The following DLG1 variants were observed in gnomAD, a reference collection of about 807,000 sequenced individuals.
The protein encoded by DLG1 is disks large homolog 1.
Under a neutral mutation model 123.4 loss-of-function variants are expected in DLG1, and 42 were observed. The ratio of observed to expected loss-of-function variants is 0.34; its 90% CI spans 0.27 to 0.44. The LOEUF (loss-of-function observed/expected upper bound fraction) is 0.44. DLG1 is among the 20% of genes least tolerant of loss of function. The pLI, the probability that DLG1 is intolerant of heterozygous loss-of-function variation, is 1.00. For synonymous variants in DLG1, 317 were observed against 356.2 expected (o/e 0.89, Z 1.24); for missense variants, 942 against 1,082.6 (o/e 0.87, Z 1.82).
intron 4 of DLG1, among the ~76,000 whole-genome samples, chr3:197,205,704 T>C (rs1315653382): frequency 6.6e-6 from 1 of 152,320 alleles, no homozygotes; most frequent in East Asian, 1.9e-4. Context: ...GAACAAAACT[T>C]TTCTATGGCA....
intron 5 of DLG1, among the ~76,000 whole-genome samples, chr3:197,192,325 T>C (rs1720044049): frequency 1.3e-5 from 2 of 151,992 alleles, no homozygotes; most frequent in Non-Finnish European, 1.5e-5. Flanking sequence ...TTCAAACTTG[T>C]GGGATACATT....
intron 4 of DLG1, among the ~76,000 whole-genome samples, chr3:197,250,329 G>C (rs1753749919): frequency 6.6e-6 from 1 of 152,188 alleles, no homozygotes; most frequent in Non-Finnish European, 1.5e-5. Flanking sequence ...CAGCACTTTG[G>C]GAGGCCGAGG....
Position 197,203,054 on chromosome 3 carries a change from G to A in DLG1, c.319-8465C>T, listed in dbSNP as rs528421960. 8.9e-4 allele frequency among the ~76,000 whole-genome samples: 135 copies of A among 152,240 alleles called. 1 individual carries two copies. The highest frequency in any genetic ancestry group is 2.9e-3 in the African/African-American group (122 of 41,526). ...TTGGAAGGCTGAGGAAAGAAGATCA[G>A]GTGAGCCCAGGAGTTCAGGACCATT... On this transcript the variant is annotated intron_variant, in intron 4 of 24. Coordinates refer to ENST00000667157, the MANE Select transcript of DLG1 (RefSeq NM_001366207.1).
At chr3:197,195,369 A>C (rs1356953624) in intron 4 of DLG1, among the ~76,000 whole-genome samples, 2 of 152,102 alleles carry the variant, frequency 1.3e-5, no homozygotes, top group Non-Finnish European at 2.9e-5. Flanking sequence ...CAATCCCACT[A>C]CTGGGAAAAA....
intron 4 of DLG1, among the ~76,000 whole-genome samples, chr3:197,280,337 TTGTGTGTGTGTGTG>T (rs10575004): frequency 6.0e-5 from 9 of 149,916 alleles, no homozygotes; most frequent in South Asian, 2.1e-4. Context: ...GTAGTCCATT[TTGTGTGTGTGTGTG>T]TGTGTGTGTG....
chr3:197,277,460 C>T (rs74431690), intron 4 of DLG1, among the ~76,000 whole-genome samples: 170 of 152,204 alleles, frequency 1.1e-3, no homozygotes, highest in African/African-American at 3.2e-3. Flanking sequence ...CACGTCTCTG[C>T]CTCCCAAGCA....
intron 4 of DLG1, among the ~76,000 whole-genome samples, chr3:197,268,160 T>C (rs550733031): frequency 5.3e-5 from 8 of 152,270 alleles, no homozygotes; most frequent in African/African-American, 1.9e-4. Flanking sequence ...ATACTAAAAA[T>C]AGTAATAAGC....
At chr3:197,184,607 C>T (rs192326574) in intron 5 of DLG1, among the ~76,000 whole-genome samples, 13 of 152,268 alleles carry the variant, frequency 8.5e-5, no homozygotes, top group Non-Finnish European at 1.6e-4. Context: ...AGATTAATTA[C>T]TAAAACAAGT....
In DLG1 at chr3:197,217,523, A is replaced by G. The variant is rs534586759; in HGVS notation, c.319-22934T>C. Among the ~76,000 whole-genome samples, 6 of 152,358 alleles carry G rather than the reference A, an allele frequency of 3.9e-5. No individual in the cohort carries two copies. In the South Asian group the frequency reaches 1.2e-3, roughly 32 times the overall value. On this transcript the variant is annotated intron_variant, in intron 4 of 24. Transcript: ENST00000667157. ...AGCTGATGAGTGGTTATTTACATTC[A>G]AAGAATACCACACATTTTGGGTACA...
intron 24 of DLG1, among the ~76,000 whole-genome samples, chr3:197,049,494 C>T (rs557256060): frequency 1.3e-5 from 2 of 152,388 alleles, no homozygotes; most frequent in South Asian, 4.1e-4. Context: ...ATGGCTCACG[C>T]CTGTAGTCCC....
chr3:197,213,298 T>A (rs13324465), intron 4 of DLG1, among the ~76,000 whole-genome samples: 2,657 of 152,234 alleles, frequency 0.017, 84 homozygotes, highest in African/African-American at 0.06. Flanking sequence ...AGCTTTTTTT[T>A]AAAAAGACAC....
intron 23 of DLG1, among the ~76,000 whole-genome samples, chr3:197,053,336 A>C (rs1260612365): frequency 6.6e-6 from 1 of 152,214 alleles, no homozygotes; most frequent in Non-Finnish European, 1.5e-5. Flanking sequence ...TTCAGTTTTA[A>C]TTTATCTGGG....
chr3:197,167,050 G>A (rs1215871622), intron 5 of DLG1, among the ~76,000 whole-genome samples: 2 of 152,086 alleles, frequency 1.3e-5, no homozygotes, highest in South Asian at 2.1e-4. Context: ...GATGACAAAG[G>A]ACACAGAAGT....
chr3:197,146,703 A>G (rs548386333), intron 6 of DLG1, among the ~76,000 whole-genome samples: 19 of 149,306 alleles, frequency 1.3e-4, no homozygotes, highest in Non-Finnish European at 2.5e-4. Flanking sequence ...ATTTTAGAAG[A>G]TAACATCAGA....
intron 13 of DLG1, among the ~76,000 whole-genome samples, chr3:197,107,809 T>A (rs1483613698): frequency 2.6e-5 from 4 of 151,836 alleles, no homozygotes; most frequent in African/African-American, 9.7e-5. Flanking sequence ...GTAGCCTTTT[T>A]TTTTTTTTAA....
chr3:197,234,410 A>G (rs565538244), intron 4 of DLG1, among the ~76,000 whole-genome samples: 6 of 152,324 alleles, frequency 3.9e-5, no homozygotes, highest in Admixed American at 3.9e-4. Flanking sequence ...TAATGGATGA[A>G]TTTAGGAGTA....
chr3:197,251,681 A>G (rs1359416049), intron 4 of DLG1, among the ~76,000 whole-genome samples: 3 of 152,208 alleles, frequency 2.0e-5, no homozygotes, highest in African/African-American at 7.2e-5. Context: ...ACATCAAGCT[A>G]AAAAGCTTCT....
intron 9 of DLG1, among the ~76,000 whole-genome samples, chr3:197,137,415 C>T (rs982028795): frequency 3.3e-5 from 5 of 152,148 alleles, no homozygotes; most frequent in African/African-American, 4.8e-5. Context: ...TAGATTATCA[C>T]AAGTTAATAG....
At chr3:197,264,712 C>CCA (rs1431210570) in intron 4 of DLG1, among the ~76,000 whole-genome samples, 1 of 152,180 alleles carries the variant, frequency 6.6e-6, no homozygotes, top group Admixed American at 6.5e-5. Context: ...CAAGGGTGAG[C>CCA]CACTGTGCCT....
Sources: allele counts gnomAD v4.1 joint callset (sites outside exome capture counted in the v4.1 genomes callset), GRCh38; gene constraint gnomAD v4.1.1; transcripts MANE v1.5; gene names NCBI Gene and HGNC (gene_info 2026-07-23, HGNC 2026-07-21).